LMBR1: variants seen among roughly 807,000 people sequenced by gnomAD.
LMBR1 encodes limb development membrane protein 1, also known as limb region 1 protein homolog.
In LMBR1, 52 loss-of-function variants were observed where a neutral mutation model predicts 73.9. The observed-to-expected ratio is 0.70, with a 90% CI of 0.56 to 0.89. The LOEUF (loss-of-function observed/expected upper bound fraction) is 0.89, where lower values mean the gene tolerates loss of function less well. Ranked by LOEUF, LMBR1 falls within the 40% of genes least tolerant of loss-of-function variation. The probability of loss-of-function intolerance (pLI) is 0.00; values close to 1 mark genes in which losing one functional copy is unlikely to be tolerated. For missense variants in LMBR1, 539 were observed against 579.8 expected, an observed-to-expected ratio of 0.93 and a Z score of 0.72; for synonymous variants, 215 against 209.4, an observed-to-expected ratio of 1.03 and a Z score of -0.23.
chr7:156,893,037 CG>C lies in LMBR1; in HGVS notation c.-45del. The C allele has an allele frequency of 7.0e-7, 1 of 1,435,882 alleles. No homozygotes were observed. Among genetic ancestry groups the C allele is most frequent in the Non-Finnish European group, 9.1e-7 (1 of 1,096,398 alleles). 88.9% of individuals were successfully genotyped at this position (1,435,882 alleles called of 1,614,324 possible). On this transcript the variant is annotated 5_prime_UTR_variant, in exon 1 of 17. An upstream open reading frame in the 5' UTR loses its in-frame stop. Transcript: ENST00000353442. ...CCGCGCCGCCCGCGTCCGCGTGCTC[CG>C]CCACACCATCGTCCGCCCGCCGCAG...
chr7:156,879,108 G>T (rs1800658296), intron 1 of LMBR1, among the ~76,000 whole-genome samples: 1 of 152,072 alleles, frequency 6.6e-6, no homozygotes, highest in Admixed American at 6.5e-5. Flanking sequence ...AATAATATCA[G>T]AAAAACCCTT....
intron 5 of LMBR1, among the ~76,000 whole-genome samples, chr7:156,764,406 T>C (rs1823710763): frequency 6.6e-6 from 1 of 152,198 alleles, no homozygotes; most frequent in South Asian, 2.1e-4. Flanking sequence ...ATAATCATTA[T>C]GCACAACTTT....
intron 5 of LMBR1, among the ~76,000 whole-genome samples, chr7:156,791,960 T>C (rs983407216): frequency 1.3e-5 from 2 of 152,222 alleles, no homozygotes; most frequent in African/African-American, 4.8e-5. Flanking sequence ...CATATGGAGA[T>C]ATTTTCTCCC....
At chr7:156,771,120 A>G (rs894107405) in intron 5 of LMBR1, among the ~76,000 whole-genome samples, 4 of 152,086 alleles carry the variant, frequency 2.6e-5, no homozygotes, top group African/African-American at 9.6e-5. Context: ...TTTTAAAAAG[A>G]ATACCAAGTA....
intron 14 of LMBR1, 101 bp from the exon 15 acceptor site, chr7:156,724,279 G>GT: frequency 1.2e-6 from 1 of 835,454 alleles, no homozygotes; most frequent in Non-Finnish European, 1.9e-6. Context: ...TAGTTACCTA[G>GT]TGTACTTTGC....
chr7:156,713,971 T>C (rs1268424371), intron 15 of LMBR1, among the ~76,000 whole-genome samples: 1 of 152,252 alleles, frequency 6.6e-6, no homozygotes, highest in African/African-American at 2.4e-5. Flanking sequence ...GTACTGTGCA[T>C]GTACTACAGA....
rs139591652 is a variant in LMBR1, at chr7:156,684,787, T to C, written c.1388-624A>G. ...GCCTGGGCAACATTGTGAAACCCCATGTTCATGAAAAACACAAAAATTAGC... is the reference window on the plus strand; with the variant it reads ...GCCTGGGCAACATTGTGAAACCCCACGTTCATGAAAAACACAAAAATTAGC... On this transcript the variant is annotated intron_variant, in intron 16 of 16. Transcript: ENST00000353442. Among the ~76,000 whole-genome samples the C allele has an allele frequency of 4.1e-3, 630 of 152,246 alleles. 2 individuals are homozygous for C. The highest frequency in any genetic ancestry group is 0.014 in the African/African-American group (600 of 41,544).
intron 4 of LMBR1, among the ~76,000 whole-genome samples, chr7:156,807,029 T>C (rs1007620695): frequency 7.5e-6 from 1 of 133,974 alleles, no homozygotes; most frequent in Non-Finnish European, 1.6e-5. Context: ...GTTACGACCA[T>C]ATGACTTTTT....
intron 8 of LMBR1, among the ~76,000 whole-genome samples, chr7:156,758,458 C>A (rs2132840762): frequency 1.3e-5 from 2 of 152,318 alleles, no homozygotes; most frequent in South Asian, 4.1e-4. Context: ...ATGTTGAAAT[C>A]TGATCCCCAG....
intron 10 of LMBR1, 77 bp from the exon 11 acceptor site, chr7:156,728,797 T>G: frequency 9.9e-7 from 1 of 1,005,050 alleles, no homozygotes; most frequent in Non-Finnish European, 1.5e-6. Flanking sequence ...ATAATCTGTT[T>G]TATACATAAT....
At chr7:156,690,905 T>G (rs1377610559) in intron 15 of LMBR1, among the ~76,000 whole-genome samples, 1 of 152,164 alleles carries the variant, frequency 6.6e-6, no homozygotes, top group Admixed American at 6.5e-5. Context: ...CCTGAGAGGT[T>G]TCTGGCATGG....
chr7:156,826,608 G>C lies in LMBR1; in HGVS notation c.316C>G (p.His106Asp), dbSNP rs536909090. 1 of 1,539,562 alleles carries C rather than the reference G, an allele frequency of 6.5e-7. No individual in the cohort carries two copies. The highest frequency in any genetic ancestry group is 1.4e-5 in the African/African-American group (1 of 73,320). The change falls in exon 4 of 17, where the codon CAT becomes GAT. Residue 106 changes from histidine to aspartate, a missense_variant. By Grantham distance (81) the His-to-Asp change is moderately conservative (BLOSUM62 -1). Around this residue, in one of 3 missense-constraint regions of LMBR1, gnomAD observed 454 missense variants for 473.4 expected, o/e 0.96. Transcript: ENST00000353442. ...YIQWLNGSLI[H>D]GLWNLASLFS... ...ATATTAAGCAATATATACTAACCAT[G>C]AATCAGGGAGCCATTTAGCCACTGA...
chr7:156,798,976 G>A (rs770523576), intron 4 of LMBR1, among the ~76,000 whole-genome samples: 3 of 151,476 alleles, frequency 2.0e-5, no homozygotes, highest in Non-Finnish European at 4.4e-5. Context: ...GGCAGATTAC[G>A]AGGTCAGGAG....
chr7:156,758,662 C>T (rs1251633716), intron 8 of LMBR1, among the ~76,000 whole-genome samples: 1 of 152,204 alleles, frequency 6.6e-6, no homozygotes, highest in South Asian at 2.1e-4. Context: ...AAATGCTCCT[C>T]GTTTGCCTCT....
intron 5 of LMBR1, among the ~76,000 whole-genome samples, chr7:156,768,340 C>T (rs1001948711): frequency 6.6e-6 from 1 of 151,048 alleles, no homozygotes; most frequent in Non-Finnish European, 1.5e-5. Flanking sequence ...CTAGCCTGGG[C>T]AACAGAGTGA....
At chr7:156,870,570 C>T (rs1799125231) in intron 1 of LMBR1, among the ~76,000 whole-genome samples, 1 of 151,966 alleles carries the variant, frequency 6.6e-6, no homozygotes, top group Admixed American at 6.6e-5. Flanking sequence ...TCGAGACCAC[C>T]CTGGCTAACA....
intron 4 of LMBR1, among the ~76,000 whole-genome samples, chr7:156,805,836 T>C (rs900874052): frequency 2.0e-5 from 3 of 151,844 alleles, no homozygotes; most frequent in Admixed American, 1.3e-4. Context: ...CCCTTGGGGG[T>C]AGTTAGGTCA....
chr7:156,723,992 A>G (rs765432604), intron 15 of LMBR1, 120 bp downstream of exon 15: 3 of 680,190 alleles, frequency 4.4e-6, no homozygotes, highest in South Asian at 2.0e-5. Context: ...AGTGTAAAAT[A>G]ATGTAGGAAG....
intron 3 of LMBR1, among the ~76,000 whole-genome samples, chr7:156,833,147 T>C (rs1007796935): frequency 1.2e-4 from 19 of 152,366 alleles, no homozygotes; most frequent in African/African-American, 4.6e-4. Flanking sequence ...ACCTTTTCTA[T>C]AAACTTGAAA....
Sources: allele counts gnomAD v4.1 joint callset (sites outside exome capture counted in the v4.1 genomes callset), GRCh38; gene constraint gnomAD v4.1.1; regional missense constraint gnomAD v4.1.1; transcripts MANE v1.5; gene names NCBI Gene and HGNC (gene_info 2026-07-23, HGNC 2026-07-21).